The following EAPP variants were observed in gnomAD, a reference collection of about 807,000 sequenced individuals.
EAPP encodes E2F associated phosphoprotein.
EAPP carries 38 observed loss-of-function variants against 34.3 expected under a neutral mutation model. The ratio of observed to expected loss-of-function variants is 1.11; its 90% CI spans 0.85 to 1.45. The LOEUF (loss-of-function observed/expected upper bound fraction) is 1.45. Among genes scored for constraint, EAPP ranks in the 40% most tolerant of loss-of-function variants. The probability of loss-of-function intolerance (pLI) is 0.00; values close to 1 mark genes in which losing one functional copy is unlikely to be tolerated. For synonymous variants in EAPP, 113 were observed against 117.6 expected (o/e 0.96, Z 0.25); for missense variants, 338 against 343.7 (o/e 0.98, Z 0.13).
intron 1 of EAPP, among the ~76,000 whole-genome samples, chr14:34,538,910 T>C (rs1450432400): frequency 1.3e-5 from 2 of 152,216 alleles, no homozygotes; most frequent in Non-Finnish European, 2.9e-5. Context: ...CCTTCTTCTG[T>C]GCCTATCTCA....
chr14:34,518,009 G>A (rs947270377), intron 5 of EAPP, among the ~76,000 whole-genome samples: 34 of 151,972 alleles, frequency 2.2e-4, no homozygotes, highest in African/African-American at 6.5e-4. Context: ...TCCTGACCTC[G>A]TGATCTGCCT....
chr14:34,535,193 G>C (rs773220671), intron 2 of EAPP, among the ~76,000 whole-genome samples: 1 of 138,960 alleles, frequency 7.2e-6, no homozygotes, highest in Non-Finnish European at 1.5e-5. Flanking sequence ...GCAGTGCCGC[G>C]ATCTCAGCTC....
rs781357572 is a variant in EAPP, at chr14:34,539,630, G to C, written c.-2C>G. On this transcript the variant is annotated 5_prime_UTR_variant, in exon 1 of 6. Transcript: ENST00000250454. Reference sequence around the variant, plus strand: ...GTAGTCATCCGGAAGCCGGTTCATGGTGGCCTGCAGCGGCCTACACCGTCC... The same window carrying C: ...GTAGTCATCCGGAAGCCGGTTCATGCTGGCCTGCAGCGGCCTACACCGTCC... The C allele has an allele frequency of 6.4e-7, 1 of 1,566,930 alleles. No individual in the cohort carries two copies. The highest frequency in any genetic ancestry group is 1.4e-5 in the African/African-American group (1 of 73,580).
Position 34,524,685 on chromosome 14 carries a change from T to TGTG in EAPP, c.581+11_581+12insCAC. ...TGTGTGTGTGTGTGTGTGTGTGTCC[T>TGTG]TCATCCATTACCTTTGGCAATCAAG... On this transcript the variant is annotated intron_variant, in intron 5 of 5. Coordinates refer to ENST00000250454, the MANE Select transcript of EAPP (RefSeq NM_018453.4). 14 of 585,566 alleles carry TGTG rather than the reference T, an allele frequency of 2.4e-5. No individual in the cohort carries two copies. Among genetic ancestry groups the TGTG allele is most frequent in the Non-Finnish European group, 3.4e-5 (12 of 352,276 alleles). 36.3% of individuals were successfully genotyped at this position (585,566 alleles called of 1,614,324 possible).
intron 4 of EAPP, among the ~76,000 whole-genome samples, chr14:34,528,177 A>C (rs1235751164): frequency 6.6e-6 from 1 of 151,458 alleles, no homozygotes; most frequent in Non-Finnish European, 1.5e-5. Context: ...CTGTGATTAC[A>C]GGCACACACC....
chr14:34,536,069 AT>A (rs1594671720), intron 2 of EAPP, 24 bp downstream of exon 2: 1 of 1,577,438 alleles, frequency 6.3e-7, no homozygotes, highest in Non-Finnish European at 8.6e-7. Context: ...ACAAAAATAT[AT>A]ATAAAATTGA....
chr14:34,538,609 G>A (rs1880554358), intron 1 of EAPP, among the ~76,000 whole-genome samples: 1 of 151,104 alleles, frequency 6.6e-6, no homozygotes, highest in Non-Finnish European at 1.5e-5. Context: ...AAGAAATGAG[G>A]TCTCACTATG....
chr14:34,516,835 C>G (rs754387583), intron 5 of EAPP, among the ~76,000 whole-genome samples: 27 of 152,266 alleles, frequency 1.8e-4, no homozygotes, highest in Admixed American at 3.3e-4. Flanking sequence ...TCCCTGGTAG[C>G]TGGGATTACA....
chr14:34,539,566 C>T lies in EAPP; in HGVS notation c.63G>A (p.Pro21=), dbSNP rs1204958112. The change falls in exon 1 of 6, where the codon CCG becomes CCA. Residue 21 remains proline, a synonymous_variant. Transcript: ENST00000250454. ...YAVEEPSDEE[P]ALSSSEDEVD... ...GGGCGGGAGCCCACCTGCTCAAAGC[C>T]GGCTCCTCGTCGCTAGGCTCTTCAA... 1 of 1,604,650 alleles carries T rather than the reference C, an allele frequency of 6.2e-7. No homozygotes were observed. Among genetic ancestry groups the T allele is most frequent in the Non-Finnish European group, 8.5e-7 (1 of 1,177,004 alleles).
chr14:34,524,902 G>A, intron 4 of EAPP, 95 bp from the exon 5 acceptor site: 1 of 894,586 alleles, frequency 1.1e-6, no homozygotes, highest in Non-Finnish European at 1.8e-6. Context: ...GTACTATTCA[G>A]AGAAATGGCT....
chr14:34,520,372 G>GCT (rs1197622718), intron 5 of EAPP, among the ~76,000 whole-genome samples: 4 of 150,306 alleles, frequency 2.7e-5, no homozygotes, highest in African/African-American at 7.4e-5. Flanking sequence ...AACACGCCCA[G>GCT]CTAATTTTTG....
chr14:34,516,127 A>G lies in EAPP; in HGVS notation c.*183T>C. 1.9e-6 allele frequency: 1 copy of G among 537,868 alleles called. No homozygotes were observed. The highest frequency in any genetic ancestry group is 3.1e-6 in the Non-Finnish European group (1 of 323,674). The allele number at this position is 537,868 out of a possible 1,614,324, so 33.3% of individuals were successfully genotyped here. On this transcript the variant is annotated 3_prime_UTR_variant, in exon 6 of 6. Coordinates refer to ENST00000250454, the MANE Select transcript of EAPP (RefSeq NM_018453.4). ...GTCCCATCAATAAGGGGGAAAATCA[A>G]AGAAAAAAAAAAGGAGAGGGTGAGA...
At chr14:34,518,122 C>G (rs1313093469) in intron 5 of EAPP, among the ~76,000 whole-genome samples, 1 of 151,764 alleles carries the variant, frequency 6.6e-6, no homozygotes, top group Non-Finnish European at 1.5e-5. Context: ...TTTTCTAGTT[C>G]CTTGAGGTGT....
intron 4 of EAPP, among the ~76,000 whole-genome samples, chr14:34,527,168 C>CAA (rs35039984): frequency 0.33 from 35,621 of 106,474 alleles, 6,690 homozygotes; most frequent in Non-Finnish European, 0.4. Context: ...AACTCCGTCT[C>CAA]AAAAAAAAAA....
At chr14:34,529,100 C>T (rs1042259387) in intron 4 of EAPP, among the ~76,000 whole-genome samples, 5 of 152,040 alleles carry the variant, frequency 3.3e-5, no homozygotes, top group African/African-American at 4.8e-5. Flanking sequence ...CGCGCCACTG[C>T]ACTCCAGCCC....
chr14:34,519,367 T>C (rs1879838728), intron 5 of EAPP, among the ~76,000 whole-genome samples: 2 of 152,196 alleles, frequency 1.3e-5, no homozygotes, highest in South Asian at 2.1e-4. Flanking sequence ...AAACCCCACC[T>C]CTACTAAAAA....
intron 5 of EAPP, among the ~76,000 whole-genome samples, chr14:34,520,747 C>T (rs1879890907): frequency 6.6e-6 from 1 of 152,128 alleles, no homozygotes; most frequent in Admixed American, 6.6e-5. Context: ...AAGTGATCCA[C>T]CCGCTTCCGC....
chr14:34,531,755 T>C (rs1471551928), intron 3 of EAPP, among the ~76,000 whole-genome samples: 1 of 152,112 alleles, frequency 6.6e-6, no homozygotes, highest in Non-Finnish European at 1.5e-5. Flanking sequence ...GCTCTTGTTA[T>C]GTTCAACTTT....
intron 3 of EAPP, among the ~76,000 whole-genome samples, chr14:34,530,603 G>A (rs1382671753): frequency 1.3e-5 from 2 of 151,820 alleles, no homozygotes; most frequent in Non-Finnish European, 2.9e-5. Flanking sequence ...AATGACAGAG[G>A]AGGCAAAAAT....
Sources: allele counts gnomAD v4.1 joint callset (sites outside exome capture counted in the v4.1 genomes callset), GRCh38; gene constraint gnomAD v4.1.1; transcripts MANE v1.5; gene names NCBI Gene and HGNC (gene_info 2026-07-23, HGNC 2026-07-21).